The following CMSS1 variants were observed in gnomAD, a reference collection of about 807,000 sequenced individuals.
CMSS1 encodes the protein cms1 ribosomal small subunit homolog, also known as protein CMSS1.
Under a neutral mutation model 43.5 loss-of-function variants are expected in CMSS1, and 33 were observed. The observed-to-expected ratio is 0.76, with a 90% CI of 0.57 to 1.01. CMSS1 has a LOEUF of 1.01. Among genes scored for constraint, CMSS1 ranks in the 50% least tolerant of loss-of-function variants. The pLI, the probability that CMSS1 is intolerant of heterozygous loss-of-function variation, is 0.00. For missense variants in CMSS1, 313 were observed against 326.4 expected (o/e 0.96, Z 0.32); for synonymous variants, 115 against 117.2 (o/e 0.98, Z 0.12).
intron 1 of CMSS1, among the ~76,000 whole-genome samples, chr3:100,123,418 C>G (rs558541889): frequency 1.3e-5 from 2 of 152,252 alleles, no homozygotes; most frequent in Admixed American, 6.5e-5. Context: ...TAGGGGAGCC[C>G]TGGGGGTGGT....
intron 1 of CMSS1, among the ~76,000 whole-genome samples, chr3:100,106,843 C>T (rs2066404005): frequency 6.6e-6 from 1 of 152,028 alleles, no homozygotes; most frequent in Non-Finnish European, 1.5e-5. Context: ...ATTTAAGATG[C>T]CAGAGGTTAT....
At chr3:99,870,030 A>T (rs573028592) in intron 1 of CMSS1, among the ~76,000 whole-genome samples, 6 of 152,232 alleles carry the variant, frequency 3.9e-5, no homozygotes, top group African/African-American at 1.2e-4. Flanking sequence ...CATTTTCTTT[A>T]GCTAATTTGT....
chr3:99,850,959 A>C (rs1167927868), intron 1 of CMSS1: 1 of 1,614,170 alleles, frequency 6.2e-7, no homozygotes, highest in Non-Finnish European at 8.5e-7. Context: ...CCACCATCAA[A>C]GCAAAAGACT....
At chr3:100,115,948 T>C (rs1167238788) in intron 1 of CMSS1, among the ~76,000 whole-genome samples, 1 of 152,236 alleles carries the variant, frequency 6.6e-6, no homozygotes, top group Non-Finnish European at 1.5e-5. Flanking sequence ...CTTCCTTTTT[T>C]ATATGTGACC....
chr3:100,041,323 C>T (rs1208257959), intron 1 of CMSS1: 1 of 152,154 alleles, frequency 6.6e-6, no homozygotes, highest in Non-Finnish European at 1.5e-5. Context: ...AACTCTATGA[C>T]ATCCTAAGCT....
At chr3:99,939,937 T>C (rs1183495921) in intron 1 of CMSS1, among the ~76,000 whole-genome samples, 1 of 152,238 alleles carries the variant, frequency 6.6e-6, no homozygotes, top group Non-Finnish European at 1.5e-5. Context: ...CTTTTTAGTT[T>C]GGAAGTGTTC....
chr3:100,053,492 C>A (rs1214230304), intron 1 of CMSS1, among the ~76,000 whole-genome samples: 1 of 152,196 alleles, frequency 6.6e-6, no homozygotes, highest in Non-Finnish European at 1.5e-5. Context: ...TTTCTGTCTT[C>A]TCATGAGGAC....
At chr3:99,856,786 T>TA (rs1235044326) in intron 1 of CMSS1, among the ~76,000 whole-genome samples, 1 of 152,206 alleles carries the variant, frequency 6.6e-6, no homozygotes, top group Non-Finnish European at 1.5e-5. Flanking sequence ...ACACATATAA[T>TA]ATATGTCAGC....
chr3:99,968,812 G>T (rs973925316), intron 1 of CMSS1, among the ~76,000 whole-genome samples: 4 of 152,170 alleles, frequency 2.6e-5, no homozygotes, highest in Non-Finnish European at 5.9e-5. Flanking sequence ...CAGTCCAGTG[G>T]CCAGGGCAGA....
At chr3:100,138,621 A>C (rs2066775545) in intron 1 of CMSS1, among the ~76,000 whole-genome samples, 1 of 152,252 alleles carries the variant, frequency 6.6e-6, no homozygotes, top group East Asian at 1.9e-4. Flanking sequence ...GAGAAATGCA[A>C]ATCAAAACCA....
At chr3:99,897,897 G>A (rs898051346) in intron 1 of CMSS1, among the ~76,000 whole-genome samples, 12 of 152,252 alleles carry the variant, frequency 7.9e-5, no homozygotes, top group Middle Eastern at 3.4e-3. Flanking sequence ...TATGTCCAGT[G>A]TTCATAGTTA....
intron 1 of CMSS1, among the ~76,000 whole-genome samples, chr3:100,126,927 G>A (rs1454577720): frequency 6.6e-6 from 1 of 152,200 alleles, no homozygotes; most frequent in African/African-American, 2.4e-5. Context: ...GAACCCGGGA[G>A]GCGGAGCTTG....
At chr3:99,989,868 C>A (rs1709462334) in intron 1 of CMSS1, among the ~76,000 whole-genome samples, 1 of 151,946 alleles carries the variant, frequency 6.6e-6, no homozygotes, top group Admixed American at 6.6e-5. Flanking sequence ...TGTATGTAGT[C>A]AATGTTAAGA....
chr3:99,927,718 A>G (rs1707340593), intron 1 of CMSS1, among the ~76,000 whole-genome samples: 1 of 151,072 alleles, frequency 6.6e-6, no homozygotes, highest in East Asian at 1.9e-4. Context: ...ACCTTAGGCT[A>G]TTAATTTTTT....
At chr3:99,920,312 A>AG (rs1168061558) in intron 1 of CMSS1, among the ~76,000 whole-genome samples, 2 of 152,242 alleles carry the variant, frequency 1.3e-5, no homozygotes, top group Admixed American at 1.3e-4. Flanking sequence ...AGAAAAAAAA[A>AG]TATGCAAGCT....
At chr3:99,965,955 C>G (rs1708638630) in intron 1 of CMSS1, among the ~76,000 whole-genome samples, 1 of 152,176 alleles carries the variant, frequency 6.6e-6, no homozygotes, top group African/African-American at 2.4e-5. Flanking sequence ...TCTCCACTCT[C>G]TCCCCATATG....
In CMSS1 at chr3:100,052,726, G is replaced by GGT. The variant is rs1216011756; in HGVS notation, c.65-94245_65-94244dup. ...ATATTCTAAAATTTTACAAAGGCAA[G>GGT]GTGGAAGGTACCTTCCCCAACCTCA... On this transcript the variant is annotated intron_variant, in intron 1 of 9. Coordinates refer to ENST00000421999, the MANE Select transcript of CMSS1 (RefSeq NM_032359.4). Among the ~76,000 whole-genome samples the GGT allele has an allele frequency of 4.6e-5, 7 of 152,218 alleles. No individual in the cohort carries two copies. In the East Asian group the frequency reaches 1.2e-3, roughly 25 times the overall value.
intron 1 of CMSS1, chr3:99,847,782 GTGAT>G (rs946457632): frequency 3.2e-5 from 6 of 188,986 alleles, no homozygotes; most frequent in African/African-American, 1.2e-4. Flanking sequence ...CCTCTAATAT[GTGAT>G]TAGAAGTTGA....
At chr3:99,989,442 C>G (rs1709447448) in intron 1 of CMSS1, among the ~76,000 whole-genome samples, 1 of 152,202 alleles carries the variant, frequency 6.6e-6, no homozygotes, top group Non-Finnish European at 1.5e-5. Flanking sequence ...CCCACATTTT[C>G]TGGAGACCCA....
Sources: allele counts gnomAD v4.1 joint callset (sites outside exome capture counted in the v4.1 genomes callset), GRCh38; gene constraint gnomAD v4.1.1; transcripts MANE v1.5; gene names NCBI Gene and HGNC (gene_info 2026-07-23, HGNC 2026-07-21).